The following KATNB1 variants were observed in gnomAD, a reference collection of about 807,000 sequenced individuals.
KATNB1 encodes katanin regulatory subunit B1.
In KATNB1, 38 loss-of-function variants were observed where a neutral mutation model predicts 82.3. That is an observed-to-expected ratio of 0.46 (90% CI 0.36 to 0.61). The LOEUF (loss-of-function observed/expected upper bound fraction) is 0.61, where lower values mean the gene tolerates loss of function less well. Among genes scored for constraint, KATNB1 ranks in the 20% least tolerant of loss-of-function variants. The pLI is 0.00. For synonymous variants in KATNB1, 361 were observed against 368.7 expected (o/e 0.98, Z 0.24); for missense variants, 749 against 915.7 (o/e 0.82, Z 2.35).
intron 18 of KATNB1, 62 bp downstream of exon 18, chr16:57,756,128 C>T: frequency 6.4e-7 from 1 of 1,560,264 alleles, no homozygotes; most frequent in Non-Finnish European, 8.7e-7. Context: ...GAAGCCTCCT[C>T]CAGAACCATG....
At chr16:57,754,762 A>G (rs1318938025) in intron 13 of KATNB1, among the ~76,000 whole-genome samples, 168 bp from the exon 14 acceptor site, 2 of 152,134 alleles carry the variant, frequency 1.3e-5, no homozygotes, top group African/African-American at 4.8e-5. Flanking sequence ...AGGCAGGTCC[A>G]GGCCTGCCCC....
chr16:57,740,608 T>C (rs1164478545), intron 2 of KATNB1, among the ~76,000 whole-genome samples: 9 of 152,182 alleles, frequency 5.9e-5, no homozygotes, highest in Non-Finnish European at 1.0e-4. Flanking sequence ...CTGTCTTTTT[T>C]CTCCCTTCTT....
chr16:57,756,787 G>T, intron 19 of KATNB1, 27 bp from the exon 20 acceptor site: 1 of 1,515,278 alleles, frequency 6.6e-7, no homozygotes, highest in Admixed American at 2.1e-5. Context: ...GTGCCAGCTA[G>T]CCCCTCAGGC....
intron 4 of KATNB1, among the ~76,000 whole-genome samples, chr16:57,747,125 G>A (rs899821814): frequency 2.6e-5 from 4 of 152,080 alleles, no homozygotes; most frequent in South Asian, 2.1e-4. Flanking sequence ...CAGGTGATCC[G>A]CCCACTTCAG....
chr16:57,743,293 A>G (rs149083283), intron 3 of KATNB1, among the ~76,000 whole-genome samples: 1 of 152,340 alleles, frequency 6.6e-6, no homozygotes, highest in African/African-American at 2.4e-5. Flanking sequence ...ATTCCATCTC[A>G]AAAGAAAAAG....
At chr16:57,752,076 G>A (rs376005187) in intron 8 of KATNB1, 21 bp downstream of exon 8, 3 of 1,522,354 alleles carry the variant, frequency 2.0e-6, no homozygotes, top group African/African-American at 1.4e-5. Flanking sequence ...GGAGCGAGGC[G>A]AGTTGCTTGT....
chr16:57,747,704 G>A (rs2965796), intron 4 of KATNB1, among the ~76,000 whole-genome samples: 86,714 of 152,000 alleles, frequency 0.57, 26,745 homozygotes, highest in Non-Finnish European at 0.7. Flanking sequence ...GAAGGCTCAG[G>A]CAGAAGGTGG....
Position 57,756,465 on chromosome 16 carries a change from G to GA in KATNB1, c.1829dup (p.Glu611GlyfsTer5). 1 of 1,612,658 alleles carries GA rather than the reference G, an allele frequency of 6.2e-7. No individual in the cohort carries two copies. Among genetic ancestry groups the GA allele is most frequent in the Non-Finnish European group, 8.5e-7 (1 of 1,179,386 alleles). ...CTCTGTGGGTGTGGATATCAGCAGG[G>GA]AGGAGAGGTGAGGGCAGCGCATGTG... On this transcript the variant is annotated frameshift_variant, in exon 19 of 20. Transcript: ENST00000379661. LOFTEE classifies it high-confidence loss of function.
chr16:57,747,578 C>T (rs1480927917), intron 4 of KATNB1, among the ~76,000 whole-genome samples: 1 of 152,252 alleles, frequency 6.6e-6, no homozygotes, highest in African/African-American at 2.4e-5. Flanking sequence ...CTTTGCGTCT[C>T]GGCACGTGAT....
chr16:57,750,632 A>C (rs2049219338), intron 4 of KATNB1, among the ~76,000 whole-genome samples, 195 bp from the exon 5 acceptor site: 2 of 152,198 alleles, frequency 1.3e-5, no homozygotes, highest in Non-Finnish European at 2.9e-5. Flanking sequence ...TTTCAAAAAA[A>C]AGGAAGAAAA....
chr16:57,754,110 C>A, intron 13 of KATNB1, 115 bp downstream of exon 13: 2 of 847,978 alleles, frequency 2.4e-6, no homozygotes, highest in South Asian at 3.1e-5. Flanking sequence ...TCTCAGGACA[C>A]GACCCACACC....
chr16:57,755,255 C>T lies in KATNB1; in HGVS notation c.1416+17C>T. 2 of 1,610,554 alleles carry T rather than the reference C, an allele frequency of 1.2e-6. No homozygotes were observed. Among genetic ancestry groups the T allele is most frequent in the Non-Finnish European group, 1.7e-6 (2 of 1,179,944 alleles). On this transcript the variant is annotated intron_variant, in intron 15 of 19. Coordinates refer to ENST00000379661, the MANE Select transcript of KATNB1 (RefSeq NM_005886.3). ...TTCCTGCCCGTGAGTAGGAGCCCAG[C>T]TCGAGGCATGGGTGGAGGTCTGTGG... is the stretch of plus-strand genomic sequence containing the variant.
intron 4 of KATNB1, among the ~76,000 whole-genome samples, chr16:57,749,895 C>T (rs1331540359): frequency 5.3e-5 from 8 of 152,212 alleles, no homozygotes; most frequent in African/African-American, 1.9e-4. Context: ...TGTGTCCTCA[C>T]AGCCACCCTC....
chr16:57,743,767 G>C (rs1374945355), intron 3 of KATNB1, among the ~76,000 whole-genome samples: 1 of 152,224 alleles, frequency 6.6e-6, no homozygotes, highest in African/African-American at 2.4e-5. Context: ...CCCCCTGCAG[G>C]CCGTCCACTT....
intron 15 of KATNB1, 31 bp from the exon 16 acceptor site, chr16:57,755,314 A>G: frequency 1.2e-6 from 2 of 1,611,932 alleles, no homozygotes; most frequent in Non-Finnish European, 1.7e-6. Flanking sequence ...GGCTCCTCCC[A>G]TGCCAGCATC....
chr16:57,753,041 C>A (rs2148795121), intron 10 of KATNB1, 36 bp from the exon 11 acceptor site: 1 of 1,589,168 alleles, frequency 6.3e-7, no homozygotes, highest in South Asian at 1.1e-5. Context: ...GCCCCCTCGG[C>A]TTGCAGTCCC....
At chr16:57,749,456 C>G (rs1439750668) in intron 4 of KATNB1, among the ~76,000 whole-genome samples, 1 of 152,148 alleles carries the variant, frequency 6.6e-6, no homozygotes. Flanking sequence ...TTTAATTCAC[C>G]CAGTGCTTGG....
At position 57,753,476 on chromosome 16, in the gene KATNB1, C is replaced by T. The variant is rs1445411477; in HGVS notation, c.1134C>T (p.Asn378=). Residue 378 remains asparagine (N), a synonymous_variant, in exon 12 of 20, where the codon AAC becomes AAT. Coordinates refer to ENST00000379661, the MANE Select transcript of KATNB1 (RefSeq NM_005886.3). The part of the protein sequence containing the change: ...DERESRAEIQ[N]AEDYNEIFQP... ...GCGAGTCCCGCGCGGAGATCCAGAA[C>T]GCCGAGGACTACAACGAGATCTTCC... 54 of 1,613,132 alleles carry T rather than the reference C, an allele frequency of 3.3e-5. No homozygotes were observed. Among genetic ancestry groups the T allele is most frequent in the South Asian group, 1.9e-4 (17 of 91,094 alleles).
Position 57,753,446 on chromosome 16 carries a change from C to G in KATNB1, c.1104C>G (p.Asp368Glu), listed in dbSNP as rs201625277. 12 of 1,612,880 alleles carry G rather than the reference C, an allele frequency of 7.4e-6. No individual in the cohort carries two copies. In the African/African-American group the frequency reaches 1.5e-4, roughly 20 times the overall value. ...GCCCCAGCAGCGAGGATGACCGGGACGAGCGCGAGTCCCGCGCGGAGATCC... is the reference window on the plus strand; with the variant it reads ...GCCCCAGCAGCGAGGATGACCGGGAGGAGCGCGAGTCCCGCGCGGAGATCC... ...RRSPSSEDDR[D>E]ERESRAEIQN... is the part of the protein sequence containing the mutation. Residue 368 changes from aspartate to glutamate, a missense_variant, in exon 12 of 20, where the codon GAC (aspartate) becomes GAG (glutamate). This residue lies in a region of KATNB1 where 407 missense variants were observed against 434.7 expected (regional missense o/e 0.94). Transcript: ENST00000379661.
Sources: allele counts gnomAD v4.1 joint callset (sites outside exome capture counted in the v4.1 genomes callset), GRCh38; gene constraint gnomAD v4.1.1; regional missense constraint gnomAD v4.1.1; transcripts MANE v1.5; gene names NCBI Gene and HGNC (gene_info 2026-07-23, HGNC 2026-07-21).